SH3RF1: variants seen among roughly 807,000 people sequenced by gnomAD.
SH3RF1 encodes the protein E3 ubiquitin-protein ligase SH3RF1.
SH3RF1 carries 32 observed loss-of-function variants against 74.0 expected under a neutral mutation model. The ratio of observed to expected loss-of-function variants is 0.43; its 90% CI spans 0.33 to 0.58. The LOEUF is 0.58. Among genes scored for constraint, SH3RF1 ranks in the 20% least tolerant of loss-of-function variants. The pLI is 0.05. For synonymous variants in SH3RF1, 396 were observed against 439.6 expected (o/e 0.90, Z 1.24); for missense variants, 954 against 1,130.9 (o/e 0.84, Z 2.24).
chr4:169,265,939 T>TTA (rs1731345601), intron 2 of SH3RF1, among the ~76,000 whole-genome samples: 1 of 152,172 alleles, frequency 6.6e-6, no homozygotes, highest in African/African-American at 2.4e-5. Context: ...CTTATCTAAT[T>TTA]TATATATATG....
intron 2 of SH3RF1, among the ~76,000 whole-genome samples, chr4:169,173,156 G>A (rs1734360482): frequency 6.6e-6 from 1 of 152,256 alleles, no homozygotes; most frequent in Admixed American, 6.5e-5. Context: ...GAAGCCTTCT[G>A]TATTTTTCTT....
At chr4:169,249,688 AC>A (rs1731065742) in intron 2 of SH3RF1, among the ~76,000 whole-genome samples, 3 of 152,198 alleles carry the variant, frequency 2.0e-5, no homozygotes, top group Admixed American at 2.0e-4. Context: ...ACACAGAGCA[AC>A]AGTAGGAAGG....
At chr4:169,244,742 G>A (rs979271366) in intron 2 of SH3RF1, among the ~76,000 whole-genome samples, 3 of 152,122 alleles carry the variant, frequency 2.0e-5, no homozygotes, top group Admixed American at 2.0e-4. Flanking sequence ...AAAACACAAT[G>A]ACAACGCCAC....
At chr4:169,154,585 G>A (rs903092810) in intron 4 of SH3RF1, among the ~76,000 whole-genome samples, 15 of 152,026 alleles carry the variant, frequency 9.9e-5, no homozygotes, top group Non-Finnish European at 1.8e-4. Flanking sequence ...GAACACGCTG[G>A]TCTCCCTGTC....
intron 7 of SH3RF1, among the ~76,000 whole-genome samples, chr4:169,121,666 C>A (rs933942924): frequency 6.6e-6 from 1 of 152,142 alleles, no homozygotes; most frequent in Non-Finnish European, 1.5e-5. Flanking sequence ...GCAGGATCCA[C>A]GAAGACCTGG....
intron 1 of SH3RF1, 28 bp from the exon 2 acceptor site, chr4:169,269,335 G>C: frequency 9.5e-7 from 1 of 1,055,162 alleles, no homozygotes; most frequent in Non-Finnish European, 1.3e-6. Flanking sequence ...AGGGGGAAAA[G>C]AGAACATGAG....
intron 2 of SH3RF1, among the ~76,000 whole-genome samples, chr4:169,247,697 T>A (rs1731026247): frequency 6.6e-6 from 1 of 152,106 alleles, no homozygotes; most frequent in African/African-American, 2.4e-5. Flanking sequence ...GGAGGCATCA[T>A]GACATTCCTG....
chr4:169,209,732 C>T (rs1001667023), intron 2 of SH3RF1, among the ~76,000 whole-genome samples: 2 of 152,058 alleles, frequency 1.3e-5, no homozygotes, highest in South Asian at 2.1e-4. Flanking sequence ...TGTAATGTAC[C>T]GGAAAGTGTT....
intron 2 of SH3RF1, chr4:169,201,855 C>T (rs192599287): frequency 2.6e-5 from 4 of 152,248 alleles, no homozygotes; most frequent in African/African-American, 4.8e-5. Flanking sequence ...CATCTGTCGT[C>T]GCTACAGAGG....
chr4:169,207,433 ATAAG>A (rs1356518398), intron 2 of SH3RF1, among the ~76,000 whole-genome samples: 2 of 152,206 alleles, frequency 1.3e-5, no homozygotes, highest in Non-Finnish European at 2.9e-5. Context: ...TCTCAAATAA[ATAAG>A]TAATTTTAAA....
At chr4:169,106,475 A>T (rs1277508772) in intron 11 of SH3RF1, among the ~76,000 whole-genome samples, 1 of 145,470 alleles carries the variant, frequency 6.9e-6, no homozygotes, top group Non-Finnish European at 1.5e-5. Flanking sequence ...AATTTTTAAT[A>T]AAAAAGGCAA....
chr4:169,211,342 C>T (rs1402856199), intron 2 of SH3RF1, among the ~76,000 whole-genome samples: 4 of 151,922 alleles, frequency 2.6e-5, no homozygotes, highest in South Asian at 4.2e-4. Context: ...ATTAGCTGGG[C>T]GTGGTGGCAG....
intron 2 of SH3RF1, among the ~76,000 whole-genome samples, chr4:169,179,638 G>A (rs959277424): frequency 9.9e-5 from 15 of 152,158 alleles, no homozygotes; most frequent in Non-Finnish European, 2.1e-4. Context: ...CAGTAGAATG[G>A]TGCACAGCTT....
chr4:169,231,446 A>C (rs1730736869), intron 2 of SH3RF1, among the ~76,000 whole-genome samples: 1 of 152,042 alleles, frequency 6.6e-6, no homozygotes, highest in Admixed American at 6.6e-5. Context: ...CATGGCTGTA[A>C]TCCCAGCTAC....
chr4:169,266,272 A>AT (rs561495181), intron 2 of SH3RF1, among the ~76,000 whole-genome samples: 16 of 152,338 alleles, frequency 1.1e-4, no homozygotes, highest in African/African-American at 2.9e-4. Context: ...AACACAGAAC[A>AT]TAACTAATAA....
intron 2 of SH3RF1, among the ~76,000 whole-genome samples, chr4:169,174,207 A>C (rs1022161126): frequency 2.0e-5 from 3 of 152,116 alleles, no homozygotes; most frequent in Non-Finnish European, 4.4e-5. Flanking sequence ...GACTACAGGC[A>C]CGTACCAGCA....
At chr4:169,198,119 G>C (rs1416868442) in intron 2 of SH3RF1, among the ~76,000 whole-genome samples, 1 of 152,188 alleles carries the variant, frequency 6.6e-6, no homozygotes, top group Non-Finnish European at 1.5e-5. Flanking sequence ...GGCAATATTT[G>C]TGAGTTGGAG....
chr4:169,182,743 G>A (rs1368861675), intron 2 of SH3RF1, among the ~76,000 whole-genome samples: 1 of 152,046 alleles, frequency 6.6e-6, no homozygotes, highest in Admixed American at 6.6e-5. Context: ...GTGTTCAAGT[G>A]TAAAGAACGA....
intron 2 of SH3RF1, among the ~76,000 whole-genome samples, chr4:169,177,638 G>C (rs1040110173): frequency 1.3e-5 from 2 of 152,052 alleles, no homozygotes; most frequent in African/African-American, 4.8e-5. Context: ...TTATAATTAG[G>C]CACATTTCAA....
Sources: allele counts gnomAD v4.1 joint callset (sites outside exome capture counted in the v4.1 genomes callset), GRCh38; gene constraint gnomAD v4.1.1; transcripts MANE v1.5; gene names NCBI Gene and HGNC (gene_info 2026-07-23, HGNC 2026-07-21).